PARP14: variants seen among roughly 807,000 people sequenced by gnomAD.
PARP14 encodes the protein protein mono-ADP-ribosyltransferase PARP14.
In PARP14, 59 loss-of-function variants were observed where a neutral mutation model predicts 154.2. That is an observed-to-expected ratio of 0.38 (90% CI 0.31 to 0.48). The LOEUF (loss-of-function observed/expected upper bound fraction) is 0.48. Ranked by LOEUF, PARP14 falls within the 20% of genes least tolerant of loss-of-function variation. The probability of loss-of-function intolerance (pLI) is 0.98; values close to 1 mark genes in which losing one functional copy is unlikely to be tolerated. For synonymous variants in PARP14, 720 were observed against 780.5 expected (o/e 0.92, Z 1.29); for missense variants, 1,734 against 2,131.6 (o/e 0.81, Z 3.67).
intron 5 of PARP14, among the ~76,000 whole-genome samples, chr3:122,696,811 C>G (rs1051012969): frequency 6.6e-6 from 1 of 152,142 alleles, no homozygotes; most frequent in Non-Finnish European, 1.5e-5. Context: ...CTCAAAGGTT[C>G]CCTTTCTCCC....
chr3:122,681,917 A>G lies in PARP14; in HGVS notation c.187+847A>G, dbSNP rs1938220967. ...CTTTTCCACTGGCATCTTATGGATG[A>G]TGACCTATCGGGATCTAGTCAACCC... On this transcript the variant is annotated intron_variant, in intron 1 of 16. Coordinates refer to ENST00000474629, the MANE Select transcript of PARP14 (RefSeq NM_017554.3). The surrounding 1 kb of genome is among the most constrained non-coding windows in gnomAD (Gnocchi z 5.5). Among the ~76,000 whole-genome samples, 1 of 152,158 alleles carries G rather than the reference A, an allele frequency of 6.6e-6. No individual in the cohort carries two copies. Among genetic ancestry groups the G allele is most frequent in the African/African-American group, 2.4e-5 (1 of 41,442 alleles).
At chr3:122,723,526 T>C (rs950028007) in intron 15 of PARP14, among the ~76,000 whole-genome samples, 35 of 152,244 alleles carry the variant, frequency 2.3e-4, no homozygotes, top group Admixed American at 2.3e-3. Flanking sequence ...TGATTCTTGA[T>C]AATATCATTT....
chr3:122,713,759 C>G (rs1220893131), intron 10 of PARP14, 113 bp from the exon 11 acceptor site: 9 of 888,836 alleles, frequency 1.0e-5, no homozygotes, highest in Non-Finnish European at 1.7e-5. Flanking sequence ...CAGCAATACC[C>G]AATTAGAGGA....
chr3:122,685,448 A>C, intron 2 of PARP14, 130 bp downstream of exon 2: 1 of 830,956 alleles, frequency 1.2e-6, no homozygotes, highest in Non-Finnish European at 1.9e-6. Context: ...GCAGATTACA[A>C]ATGTAGGGGG....
chr3:122,706,299 CT>C, intron 8 of PARP14, among the ~76,000 whole-genome samples: 1 of 152,202 alleles, frequency 6.6e-6, no homozygotes, highest in East Asian at 1.9e-4. Flanking sequence ...GACAGTTAAA[CT>C]TTGGTTACAT....
At position 122,704,658 on chromosome 3, in the gene PARP14, A is replaced by G. The variant is rs1230004922; in HGVS notation, c.3450A>G (p.Ser1150=). The change falls in exon 8 of 17, where the codon TCA becomes TCG. Residue 1150 remains serine (S), a synonymous_variant. Transcript: ENST00000474629. ...PKNIFAELII[S]EVFKFSSKNQ... is the part of the protein sequence containing the mutation. ...ACATATTCGCTGAATTAATCATTTC[A>G]GAGGTGTTCAAATTTAGTAGCAAGA... 2 of 1,606,606 alleles carry G rather than the reference A, an allele frequency of 1.2e-6. No individual in the cohort carries two copies. Among genetic ancestry groups the G allele is most frequent in the African/African-American group, 2.7e-5 (2 of 74,928 alleles).
intron 15 of PARP14, among the ~76,000 whole-genome samples, chr3:122,725,921 T>G (rs542516069): frequency 7.2e-5 from 11 of 152,178 alleles, no homozygotes; most frequent in Non-Finnish European, 1.6e-4. Context: ...ATTATGTTGT[T>G]AGTTATACAT....
In PARP14 at chr3:122,718,466, G is replaced by T. The variant is rs754581897; in HGVS notation, c.4315G>T (p.Val1439Leu). 7 of 1,613,992 alleles carry T rather than the reference G, an allele frequency of 4.3e-6. No homozygotes were observed. The highest frequency in any genetic ancestry group is 5.9e-6 in the Non-Finnish European group (7 of 1,179,864). The change falls in exon 14 of 17, where the codon GTG becomes TTG. Residue 1439 changes from valine to leucine, a missense_variant. By Grantham distance (32) the Val-to-Leu change is conservative. Around this residue, in one of 2 missense-constraint regions of PARP14, gnomAD observed 1,646 missense variants for 1,976.0 expected, o/e 0.83. Transcript: ENST00000474629. ...FRVCGENVTC[V>L]EYAISWLQDL... ...GGTGTGTGGTGAAAATGTCACGTGT[G>T]TGGAATATGCTATCTCCTGGCTACA...
intron 12 of PARP14, among the ~76,000 whole-genome samples, chr3:122,714,986 C>A (rs1932949168): frequency 6.6e-6 from 1 of 152,212 alleles, no homozygotes; most frequent in South Asian, 2.1e-4. Context: ...CAACTCTCCA[C>A]TTTCCTCTTT....
chr3:122,711,255 T>G (rs1306566951), intron 9 of PARP14, among the ~76,000 whole-genome samples: 1 of 152,224 alleles, frequency 6.6e-6, no homozygotes, highest in Non-Finnish European at 1.5e-5. Flanking sequence ...CTTCAAGATA[T>G]GTCCCCTCTA....
chr3:122,698,919 T>G (rs1172293247), intron 5 of PARP14, among the ~76,000 whole-genome samples: 1 of 152,176 alleles, frequency 6.6e-6, no homozygotes, highest in Non-Finnish European at 1.5e-5. Context: ...CACCAAAATA[T>G]TTTTTATACT....
At chr3:122,715,071 G>T (rs1429608212) in intron 12 of PARP14, among the ~76,000 whole-genome samples, 1 of 151,700 alleles carries the variant, frequency 6.6e-6, no homozygotes, top group African/African-American at 2.4e-5. Flanking sequence ...CATATATAAG[G>T]ATGGCGCTCT....
Position 122,699,481 on chromosome 3 carries a change from T to A in PARP14, c.927T>A (p.Tyr309Ter), listed in dbSNP as rs1190693066. Residue 309 changes from tyrosine to a stop codon, truncating the protein, a stop_gained, in exon 6 of 17, where the codon TAT (tyrosine) becomes TAA (stop). Transcript: ENST00000474629. LOFTEE classifies it high-confidence loss of function. ...PYYASLGTAL[Y>*]GKEKPLIKLP... ...ATGCCTCATTGGGCACAGCCTTGTA[T>A]GGAAAGGAGAAGCCTCTGATCAAGC... The A allele has an allele frequency of 6.2e-7, 1 of 1,613,756 alleles. No individual in the cohort carries two copies. Among genetic ancestry groups the A allele is most frequent in the Non-Finnish European group, 8.5e-7 (1 of 1,179,744 alleles).
At chr3:122,707,409 A>AAAT (rs1027380393) in intron 8 of PARP14, among the ~76,000 whole-genome samples, 1 of 151,464 alleles carries the variant, frequency 6.6e-6, no homozygotes, top group Non-Finnish European at 1.5e-5. Context: ...ATAAATAAAT[A>AAAT]AATAAATAAA....
rs201898616 is a variant in PARP14, at chr3:122,700,352, C to A, written c.1798C>A (p.Arg600Ser). ...KQMLSALNYKRIEVENKEVLH... is the reference protein window; with the variant it reads ...KQMLSALNYKSIEVENKEVLH... ...AATGCTCAGTGCCTTAAATTATAAG[C>A]GCATTGAAGTTGAGAACAAAGAAGT... Residue 600 changes from arginine to serine, a missense_variant, in exon 6 of 17, where the codon CGC becomes AGC. Physicochemically the swap from Arg to Ser is moderately radical, Grantham distance 110 (BLOSUM62 -1). Around this residue, in one of 2 missense-constraint regions of PARP14, gnomAD observed 1,646 missense variants for 1,976.0 expected, o/e 0.83. Transcript: ENST00000474629. 2.0e-5 allele frequency: 33 copies of A among 1,613,510 alleles called. No homozygotes were observed. The highest frequency in any genetic ancestry group is 2.5e-5 in the Non-Finnish European group (29 of 1,179,686).
At chr3:122,706,110 A>G (rs1939144287) in intron 8 of PARP14, among the ~76,000 whole-genome samples, 1 of 152,234 alleles carries the variant, frequency 6.6e-6, no homozygotes. Flanking sequence ...GTCCTGTGAC[A>G]CAGACCTGAA....
chr3:122,683,130 T>C (rs1938265982), intron 1 of PARP14, among the ~76,000 whole-genome samples: 1 of 152,130 alleles, frequency 6.6e-6, no homozygotes, highest in East Asian at 1.9e-4. Context: ...GTCTAAGTTC[T>C]TGGGGGTGGA....
At chr3:122,717,127 G>A (rs1170835040) in intron 12 of PARP14, among the ~76,000 whole-genome samples, 6 of 152,084 alleles carry the variant, frequency 3.9e-5, no homozygotes, top group Non-Finnish European at 8.8e-5. Flanking sequence ...ATTTTATGTG[G>A]GGTTGTCTAC....
intron 9 of PARP14, among the ~76,000 whole-genome samples, chr3:122,708,914 T>G (rs1046818358): frequency 1.3e-5 from 2 of 152,206 alleles, no homozygotes; most frequent in Non-Finnish European, 2.9e-5. Context: ...GTCTTTTCTC[T>G]GTCCTCTATG....
Sources: gnomAD v4.1 joint callset for allele counts (sites outside exome capture counted in the v4.1 genomes callset) on GRCh38, gnomAD v4.1.1 for gene constraint, gnomAD v4.1.1 regional missense constraint, Gnocchi (gnomAD v3.1) non-coding constraint, MANE v1.5 for transcripts, NCBI Gene and HGNC (gene_info 2026-07-23, HGNC 2026-07-21) for gene names.